The following CEP112 variants were observed in gnomAD, a reference collection of about 807,000 sequenced individuals.
The protein encoded by CEP112 is centrosomal protein 112, also known as centrosomal protein of 112 kDa.
Under a neutral mutation model 153.0 loss-of-function variants are expected in CEP112, and 127 were observed. The ratio of observed to expected loss-of-function variants is 0.83; its 90% CI spans 0.72 to 0.96. CEP112 has a LOEUF of 0.96. Among genes scored for constraint, CEP112 ranks in the 40% least tolerant of loss-of-function variants. CEP112 has a pLI of 0.00. For synonymous variants in CEP112, 358 were observed against 374.4 expected, an observed-to-expected ratio of 0.96 and a Z score of 0.51; for missense variants, 1,089 against 1,101.2, an observed-to-expected ratio of 0.99 and a Z score of 0.16.
intron 17 of CEP112, among the ~76,000 whole-genome samples, chr17:65,973,685 A>G (rs1208399925): frequency 1.3e-5 from 2 of 152,212 alleles, no homozygotes; most frequent in African/African-American, 4.8e-5. Flanking sequence ...GGAAATTGAA[A>G]TATAAGGACA....
intron 8 of CEP112, among the ~76,000 whole-genome samples, chr17:66,078,109 C>T (rs2067569644): frequency 6.6e-6 from 1 of 152,110 alleles, no homozygotes; most frequent in Non-Finnish European, 1.5e-5. Flanking sequence ...ATCACAGCAC[C>T]ATTTGTTGAA....
intron 8 of CEP112, among the ~76,000 whole-genome samples, chr17:66,096,039 C>T (rs948759666): frequency 6.6e-6 from 1 of 152,048 alleles, no homozygotes; most frequent in African/African-American, 2.4e-5. Flanking sequence ...TCCAGCCGGA[C>T]AAAAGATAGA....
chr17:65,726,459 C>T (rs188408950), intron 23 of CEP112, among the ~76,000 whole-genome samples: 2 of 152,188 alleles, frequency 1.3e-5, no homozygotes, highest in South Asian at 2.1e-4. Context: ...GATGATAAAA[C>T]TTGACAAGTC....
intron 21 of CEP112, among the ~76,000 whole-genome samples, chr17:65,845,043 G>T (rs780471693): frequency 6.6e-6 from 1 of 152,118 alleles, no homozygotes; most frequent in Non-Finnish European, 1.5e-5. Context: ...TCAAAGGCCG[G>T]ATGAGGTGGC....
At chr17:66,016,046 A>G (rs745877001) in intron 16 of CEP112, among the ~76,000 whole-genome samples, 14 of 152,196 alleles carry the variant, frequency 9.2e-5, no homozygotes, top group Non-Finnish European at 2.1e-4. Context: ...TAAGTCTGCT[A>G]TTGTACTTTT....
chr17:66,154,744 A>C (rs1331773489), intron 4 of CEP112, among the ~76,000 whole-genome samples: 2 of 100,230 alleles, frequency 2.0e-5, no homozygotes, highest in African/African-American at 6.3e-5. Flanking sequence ...AACAGGAAAC[A>C]AAAAAAAACA....
chr17:65,990,129 C>G (rs1210576573), intron 17 of CEP112, among the ~76,000 whole-genome samples: 1 of 151,856 alleles, frequency 6.6e-6, no homozygotes, highest in Admixed American at 6.6e-5. Context: ...ACAACCAGAA[C>G]ACAAACAACA....
chr17:66,046,526 T>C (rs11079634), intron 12 of CEP112, among the ~76,000 whole-genome samples: 113,557 of 152,132 alleles, frequency 0.75, 45,070 homozygotes, highest in East Asian at 0.91. Flanking sequence ...GTTTAATTTT[T>C]AATATTTTCA....
chr17:66,153,281 T>C (rs2071284744), intron 4 of CEP112, among the ~76,000 whole-genome samples: 1 of 151,970 alleles, frequency 6.6e-6, no homozygotes, highest in Non-Finnish European at 1.5e-5. Flanking sequence ...CTGAAAACAA[T>C]CCAAATATCC....
intron 17 of CEP112, among the ~76,000 whole-genome samples, chr17:65,968,230 A>G (rs549921007): frequency 2.0e-5 from 3 of 152,252 alleles, no homozygotes; most frequent in Admixed American, 6.5e-5. Flanking sequence ...TGATAAGTAA[A>G]CCAAAGCCAG....
chr17:66,088,800 C>G (rs1199740990), intron 8 of CEP112, among the ~76,000 whole-genome samples: 1 of 152,118 alleles, frequency 6.6e-6, no homozygotes, highest in African/African-American at 2.4e-5. Context: ...CAGGTCCATC[C>G]CTACAGAATC....
chr17:66,068,551 G>C (rs1325839229), intron 9 of CEP112, among the ~76,000 whole-genome samples: 1 of 152,280 alleles, frequency 6.6e-6, no homozygotes, highest in Non-Finnish European at 1.5e-5. Context: ...CTGATGCTTA[G>C]AAAATGCCAG....
intron 24 of CEP112, among the ~76,000 whole-genome samples, chr17:65,664,736 A>G (rs951714162): frequency 2.6e-5 from 4 of 152,254 alleles, no homozygotes; most frequent in African/African-American, 9.6e-5. Context: ...CATCAAGGAC[A>G]CAGCATCCCC....
At position 65,640,980 on chromosome 17, in the gene CEP112, G is replaced by T. The variant is rs2045100594; in HGVS notation, c.2783C>A (p.Ser928Tyr). 6.3e-7 allele frequency: 1 copy of T among 1,597,608 alleles called. No homozygotes were observed. The highest frequency in any genetic ancestry group is 8.6e-7 in the Non-Finnish European group (1 of 1,165,162). The change falls in exon 25 of 27, where the codon TCC becomes TAC. Residue 928 changes from serine (S) to tyrosine (Y), a missense_variant. Physicochemically the swap from Ser to Tyr is moderately radical, Grantham distance 144 (BLOSUM62 -2). Transcript: ENST00000535342. ...SLRQELEDTI[S>Y]SLKSQVNFLQ... ...AGTAATTACCTGTGATTTTAGGGAG[G>T]AAATGGTGTCTTCAAGTTCTTGTCT...
At chr17:65,877,109 T>C (rs1344779716) in intron 20 of CEP112, among the ~76,000 whole-genome samples, 2 of 152,140 alleles carry the variant, frequency 1.3e-5, no homozygotes, top group Non-Finnish European at 2.9e-5. Flanking sequence ...GGTAAGGGGT[T>C]TACTGCCTGA....
chr17:66,160,038 TA>T (rs1442309580), intron 4 of CEP112, among the ~76,000 whole-genome samples: 4 of 152,262 alleles, frequency 2.6e-5, no homozygotes, highest in African/African-American at 9.6e-5. Context: ...AGCATTCCTA[TA>T]CACCAATAAC....
chr17:65,777,980 C>T (rs969633509), intron 21 of CEP112, among the ~76,000 whole-genome samples: 4 of 151,918 alleles, frequency 2.6e-5, no homozygotes, highest in Non-Finnish European at 5.9e-5. Flanking sequence ...TTCTCAGTCT[C>T]ACGTTGACAG....
intron 23 of CEP112, among the ~76,000 whole-genome samples, chr17:65,690,074 C>T (rs11079583): frequency 0.34 from 45,804 of 134,918 alleles, 7,593 homozygotes; most frequent in Middle Eastern, 0.56. Flanking sequence ...TCAAGAATTA[C>T]GATAGGTACT....
At chr17:65,906,764 T>C (rs1278560548) in intron 19 of CEP112, among the ~76,000 whole-genome samples, 1 of 152,150 alleles carries the variant, frequency 6.6e-6, no homozygotes, top group African/African-American at 2.4e-5. Flanking sequence ...ACTATGTTAA[T>C]CCCAACAAAA....
Sources: gnomAD v4.1 joint callset for allele counts (sites outside exome capture counted in the v4.1 genomes callset) on GRCh38, gnomAD v4.1.1 for gene constraint, MANE v1.5 for transcripts, NCBI Gene and HGNC (gene_info 2026-07-23, HGNC 2026-07-21) for gene names.